MB21D2: variants seen among roughly 807,000 people sequenced by gnomAD.
MB21D2 encodes Mab-21 domain containing 2.
In MB21D2, 9 loss-of-function variants were observed where a neutral mutation model predicts 33.3. The ratio of observed to expected loss-of-function variants is 0.27; its 90% CI spans 0.16 to 0.47. The LOEUF (loss-of-function observed/expected upper bound fraction) is 0.47, where lower values mean the gene tolerates loss of function less well. Among genes scored for constraint, MB21D2 ranks in the 20% least tolerant of loss-of-function variants. The pLI, the probability that MB21D2 is intolerant of heterozygous loss-of-function variation, is 0.99. For synonymous variants in MB21D2, 241 were observed against 236.3 expected, an observed-to-expected ratio of 1.02 and a Z score of -0.18; for missense variants, 540 against 624.6, an observed-to-expected ratio of 0.86 and a Z score of 1.44.
intron 1 of MB21D2, among the ~76,000 whole-genome samples, chr3:192,857,076 A>G (rs910267242): frequency 1.3e-5 from 2 of 152,204 alleles, no homozygotes; most frequent in African/African-American, 2.4e-5. Context: ...TGCTTTTCAC[A>G]ATAAAAGAGA....
chr3:192,910,710 C>G (rs1266563617), intron 1 of MB21D2, among the ~76,000 whole-genome samples: 1 of 152,182 alleles, frequency 6.6e-6, no homozygotes, highest in East Asian at 1.9e-4. Flanking sequence ...TGGGTATAAG[C>G]ATATGTATAA....
At chr3:192,804,875 G>A (rs555506750) in intron 1 of MB21D2, among the ~76,000 whole-genome samples, 10 of 152,348 alleles carry the variant, frequency 6.6e-5, no homozygotes, top group African/African-American at 2.4e-4. Flanking sequence ...AGGAACGTCT[G>A]AGATGTGGGC....
chr3:192,859,016 GAAA>G (rs1156299153), intron 1 of MB21D2, among the ~76,000 whole-genome samples: 2 of 152,156 alleles, frequency 1.3e-5, no homozygotes, highest in Non-Finnish European at 2.9e-5. Flanking sequence ...TTAAGGTTGA[GAAA>G]ACTAAGCCTT....
chr3:192,806,436 A>G (rs1487758004), intron 1 of MB21D2, among the ~76,000 whole-genome samples: 1 of 152,158 alleles, frequency 6.6e-6, no homozygotes, highest in Non-Finnish European at 1.5e-5. Context: ...TTTGATTGAA[A>G]AATAGCCACC....
At chr3:192,815,724 T>C (rs1711907430) in intron 1 of MB21D2, among the ~76,000 whole-genome samples, 1 of 152,168 alleles carries the variant, frequency 6.6e-6, no homozygotes, top group Admixed American at 6.5e-5. Context: ...AATTGGGGAA[T>C]TCATTCATCT....
intron 1 of MB21D2, among the ~76,000 whole-genome samples, chr3:192,800,355 C>T (rs1711530960): frequency 6.6e-6 from 1 of 152,146 alleles, no homozygotes; most frequent in African/African-American, 2.4e-5. Context: ...GCTGGGATTA[C>T]AGGCATGAGC....
At chr3:192,856,784 C>A (rs1354430942) in intron 1 of MB21D2, among the ~76,000 whole-genome samples, 1 of 152,140 alleles carries the variant, frequency 6.6e-6, no homozygotes, top group East Asian at 1.9e-4. Context: ...AACTTGTAGA[C>A]TCAAGCAATC....
chr3:192,887,227 G>A (rs962596544), intron 1 of MB21D2, among the ~76,000 whole-genome samples: 7 of 152,072 alleles, frequency 4.6e-5, no homozygotes, highest in African/African-American at 1.7e-4. Flanking sequence ...GCTCACTGCA[G>A]CCTCAAACTG....
intron 1 of MB21D2, among the ~76,000 whole-genome samples, chr3:192,886,730 C>T (rs186782141): frequency 9.9e-5 from 15 of 152,070 alleles, no homozygotes; most frequent in African/African-American, 1.7e-4. Context: ...CTAACCCTTA[C>T]GTTTTTGAAT....
intron 1 of MB21D2, among the ~76,000 whole-genome samples, chr3:192,821,115 T>A (rs1012524879): frequency 6.6e-6 from 1 of 152,130 alleles, no homozygotes; most frequent in Non-Finnish European, 1.5e-5. Context: ...GCTGCTGCCT[T>A]CCTGATATTG....
chr3:192,886,401 C>T (rs78318121), intron 1 of MB21D2, among the ~76,000 whole-genome samples: 3 of 152,088 alleles, frequency 2.0e-5, no homozygotes. Flanking sequence ...AGGTATTTCC[C>T]TTGTAGTATT....
chr3:192,866,856 T>C (rs1713178278), intron 1 of MB21D2, among the ~76,000 whole-genome samples: 2 of 152,170 alleles, frequency 1.3e-5, no homozygotes, highest in African/African-American at 2.4e-5. Flanking sequence ...TCCATTACCA[T>C]GTGCTCTGAC....
At chr3:192,813,057 A>G (rs966761511) in intron 1 of MB21D2, among the ~76,000 whole-genome samples, 2 of 152,192 alleles carry the variant, frequency 1.3e-5, no homozygotes, top group Non-Finnish European at 2.9e-5. Context: ...TGATAAGACT[A>G]CATTAAAAGC....
In MB21D2 at chr3:192,830,241, AGTGTGT is replaced by A. The variant is rs34472117; in HGVS notation, c.212-30597_212-30592del. On this transcript the variant is annotated intron_variant, in intron 1 of 1. Transcript: ENST00000392452. ...AATGCTTCAAAGATGAGTGTGTGTG[AGTGTGT>A]GTGTGTGTGTGTGTGTGTGTGTGGG... Among the ~76,000 whole-genome samples the A allele has an allele frequency of 6.4e-3, 933 of 146,446 alleles. 9 individuals carry two copies. Among genetic ancestry groups the A allele is most frequent in the African/African-American group, 0.018 (719 of 40,634 alleles).
chr3:192,878,103 G>GTTTTTTTTTTTTTTTTTTTTT (rs1296544101), intron 1 of MB21D2, among the ~76,000 whole-genome samples: 2 of 134,222 alleles, frequency 1.5e-5, no homozygotes, highest in Non-Finnish European at 3.1e-5. Context: ...TTTTTTTTTG[G>GTTTTTTTTTTTTTTTTTTTTT]TTTTTTTTGT....
intron 1 of MB21D2, among the ~76,000 whole-genome samples, chr3:192,808,595 G>A (rs1488600453): frequency 6.6e-6 from 1 of 152,176 alleles, no homozygotes; most frequent in South Asian, 2.1e-4. Flanking sequence ...CCCAAGAGAG[G>A]ATCAATCAGA....
At chr3:192,890,102 C>G (rs1344513246) in intron 1 of MB21D2, among the ~76,000 whole-genome samples, 4 of 152,030 alleles carry the variant, frequency 2.6e-5, no homozygotes, top group African/African-American at 7.3e-5. Flanking sequence ...CCAAGAGCAA[C>G]CTTTTCTTGA....
chr3:192,809,160 A>G (rs754971241), intron 1 of MB21D2, among the ~76,000 whole-genome samples: 2 of 152,108 alleles, frequency 1.3e-5, no homozygotes, highest in Non-Finnish European at 2.9e-5. Flanking sequence ...CAGTGGCACA[A>G]TCTTGGCTCA....
Position 192,884,397 on chromosome 3 carries a change from T to C in MB21D2, c.211+33233A>G, listed in dbSNP as rs369384184. The stretch of plus-strand genomic sequence containing the variant: ...TGTTGTTGTTGTTGAGACGGAGTCT[T>C]GCTCTGTCACCCAGGCTGGAGTGCA... On this transcript the variant is annotated intron_variant, in intron 1 of 1. Coordinates refer to ENST00000392452, the MANE Select transcript of MB21D2 (RefSeq NM_178496.4). Among the ~76,000 whole-genome samples, 1,019 of 151,934 alleles carry C rather than the reference T, an allele frequency of 6.7e-3. 3 individuals carry two copies. Among genetic ancestry groups the C allele is most frequent in the Non-Finnish European group, 0.011 (751 of 67,984 alleles).
Sources: gnomAD v4.1 joint callset for allele counts (sites outside exome capture counted in the v4.1 genomes callset) on GRCh38, gnomAD v4.1.1 for gene constraint, MANE v1.5 for transcripts, NCBI Gene and HGNC (gene_info 2026-07-23, HGNC 2026-07-21) for gene names.